CLSTN1: variants seen among roughly 807,000 people sequenced by gnomAD.
CLSTN1 encodes the protein calsyntenin-1.
Under a neutral mutation model 108.3 loss-of-function variants are expected in CLSTN1, and 28 were observed. The ratio of observed to expected loss-of-function variants is 0.26; its 90% CI spans 0.19 to 0.35. The LOEUF is 0.35. Among genes scored for constraint, CLSTN1 ranks in the 10% least tolerant of loss-of-function variants. CLSTN1 has a pLI of 1.00. For synonymous variants in CLSTN1, 524 were observed against 534.9 expected (o/e 0.98, Z 0.28); for missense variants, 1,157 against 1,302.6 (o/e 0.89, Z 1.72).
intron 1 of CLSTN1, among the ~76,000 whole-genome samples, chr1:9,796,600 C>T (rs1044330015): frequency 1.3e-5 from 2 of 151,280 alleles, no homozygotes; most frequent in African/African-American, 4.8e-5. Flanking sequence ...AGGAGAATGG[C>T]GTGAACCTGA....
rs190185251 is a variant in CLSTN1 at position 9,786,665 on chromosome 1, A to C, written c.92-13271T>G. Among the ~76,000 whole-genome samples, 414 of 150,112 alleles carry C rather than the reference A, an allele frequency of 2.8e-3. 34 individuals carry two copies. In the East Asian group the frequency reaches 0.055, roughly 20 times the overall value. On this transcript the variant is annotated intron_variant, in intron 1 of 18. Coordinates refer to ENST00000377298, the MANE Select transcript of CLSTN1 (RefSeq NM_001009566.3). ...CTCCGTCTCAAAAAAAAAAAAAAAA[A>C]AAAAAAAACAAAGGTGAGAGCTGTT...
intron 1 of CLSTN1, chr1:9,781,098 A>C: frequency 1.4e-6 from 1 of 695,172 alleles, no homozygotes; most frequent in Non-Finnish European, 2.6e-6. Flanking sequence ...TCAAGAATTT[A>C]GAATGCTGGC....
Position 9,735,605 on chromosome 1 carries a change from T to C in CLSTN1, c.1745A>G (p.His582Arg), listed in dbSNP as rs765052589. ...DSGRGVQIQA[H>R]PSQLVLTLEG... Reference sequence around the variant, plus strand: ...CAAGGTCAATACCAACTGGCTGGGGTGTGCTTGGATCTGAAATCACACCAG... The same window carrying C: ...CAAGGTCAATACCAACTGGCTGGGGCGTGCTTGGATCTGAAATCACACCAG... The change falls in exon 13 of 19, where the codon CAC becomes CGC. Residue 582 changes from histidine to arginine, a missense_variant. Physicochemically the swap from His to Arg is conservative, Grantham distance 29 (BLOSUM62 0). Transcript: ENST00000377298. 1.2e-6 allele frequency: 2 copies of C among 1,613,834 alleles called. No individual in the cohort carries two copies. The highest frequency in any genetic ancestry group is 2.7e-5 in the African/African-American group (2 of 74,834).
At chr1:9,780,900 C>T (rs769195103) in intron 1 of CLSTN1, 1 of 346,172 alleles carries the variant, frequency 2.9e-6, no homozygotes, top group Non-Finnish European at 5.2e-6. Flanking sequence ...AGACCATGGA[C>T]AGGATGCTGA....
In CLSTN1 at chr1:9,731,896, C is replaced by T. The variant is rs763481681; in HGVS notation, c.2428G>A (p.Val810Met). 6.2e-7 allele frequency: 1 copy of T among 1,614,082 alleles called. No individual in the cohort carries two copies. The highest frequency in any genetic ancestry group is 2.2e-5 in the East Asian group (1 of 44,864). Residue 810 changes from valine to methionine, a missense_variant and splice_region_variant, in exon 17 of 19, where the codon GTG becomes ATG. Coordinates refer to ENST00000377298, the MANE Select transcript of CLSTN1 (RefSeq NM_001009566.3). The stretch of plus-strand genomic sequence containing the variant: ...GGGTTGGCCGTGTGGATTACATTCA[C>T]CTATAGCAGAGAAAGAGAGGATCGC... Reference protein sequence around the residue: ...RYISNEFKVEVNVIHTANPME... With the variant: ...RYISNEFKVEMNVIHTANPME...
rs138759244 is a variant in CLSTN1, at chr1:9,736,968, G to A, written c.1576+530C>T. On this transcript the variant is annotated intron_variant, in intron 11 of 18. Coordinates refer to ENST00000377298, the MANE Select transcript of CLSTN1 (RefSeq NM_001009566.3). ...CATGCCTGTAGTCCCAGCTACTTGG[G>A]AGGCTGAAGCAGGAGAATTGCTTGC... 4.2e-3 allele frequency among the ~76,000 whole-genome samples: 635 copies of A among 152,184 alleles called. 10 individuals carry two copies. The East Asian group carries it at 0.042, about 10-fold the overall frequency.
Position 9,794,715 on chromosome 1 carries a change from G to A in CLSTN1, c.92-21321C>T, listed in dbSNP as rs147939201. Among the ~76,000 whole-genome samples the A allele has an allele frequency of 4.8e-3, 732 of 151,528 alleles. 5 individuals carry two copies. Among genetic ancestry groups the A allele is most frequent in the African/African-American group, 0.016 (657 of 41,520 alleles). On this transcript the variant is annotated intron_variant, in intron 1 of 18. Transcript: ENST00000377298. ...ATTTTGCAATGTTATCAGAAAATAT[G>A]GGCTAGGTCTGGCCTTTTCTTTCTT...
In CLSTN1 at chr1:9,814,247, C is replaced by CAA. The variant is rs558624346; in HGVS notation, c.91+9394_91+9395dup. ...CAATATGGTAAAACCCCATCTCTACCAAAAAAAAAAAAAAAAAAGCCAGGC... is the reference window on the plus strand; with the variant it reads ...CAATATGGTAAAACCCCATCTCTACCAAAAAAAAAAAAAAAAAAAAGCCAGGC... On this transcript the variant is annotated intron_variant, in intron 1 of 18. Transcript: ENST00000377298. 8.7e-3 allele frequency among the ~76,000 whole-genome samples: 826 copies of CAA among 94,914 alleles called. 3 individuals are homozygous for CAA. Among genetic ancestry groups the CAA allele is most frequent in the African/African-American group, 0.012 (302 of 26,154 alleles). The allele number at this position is 94,914 out of a possible 152,430, so 62.3% of individuals were successfully genotyped here.
rs1280768869 is a variant in CLSTN1, at chr1:9,817,898, TG to T, written c.91+5744del. On this transcript the variant is annotated intron_variant, in intron 1 of 18. Coordinates refer to ENST00000377298, the MANE Select transcript of CLSTN1 (RefSeq NM_001009566.3). ...CAGCTCTTAGGGAAAAGACGGGTAT[TG>T]TATGTCAGGCTGACACAGTGGGGAG... is the stretch of plus-strand genomic sequence containing the variant. Among the ~76,000 whole-genome samples, 99 of 152,188 alleles carry T rather than the reference TG, an allele frequency of 6.5e-4. 2 individuals carry two copies. The highest frequency in any genetic ancestry group is 4.4e-5 in the Non-Finnish European group (3 of 68,012).
In CLSTN1 at chr1:9,773,965, C is replaced by T. The variant is rs912009243; in HGVS notation, c.92-571G>A. ...CCATGTTGCCCAGGCTGGTCTTGAA[C>T]CCCCGGGCTCAAGTGATCCGCCTGC... On this transcript the variant is annotated intron_variant, in intron 1 of 18. Transcript: ENST00000377298. Among the ~76,000 whole-genome samples, 3 of 151,884 alleles carry T rather than the reference C, an allele frequency of 2.0e-5. No homozygotes were observed. The South Asian group carries it at 6.2e-4, about 32-fold the overall frequency.
chr1:9,765,053 T>G (rs147538168), intron 2 of CLSTN1, among the ~76,000 whole-genome samples: 12 of 152,234 alleles, frequency 7.9e-5, no homozygotes, highest in Non-Finnish European at 1.6e-4. Flanking sequence ...AGCTGAAGCA[T>G]GTGAAATGTC....
At chr1:9,784,172 C>CAAAA (rs34315931) in intron 1 of CLSTN1, among the ~76,000 whole-genome samples, 2 of 83,708 alleles carry the variant, frequency 2.4e-5, no homozygotes, top group Admixed American at 2.8e-4. Context: ...AACTCTATCT[C>CAAAA]AAAAAAAAAA....
At chr1:9,790,859 C>T (rs1165866144) in intron 1 of CLSTN1, among the ~76,000 whole-genome samples, 3 of 150,780 alleles carry the variant, frequency 2.0e-5, no homozygotes, top group African/African-American at 4.8e-5. Flanking sequence ...CAGGGCCGGG[C>T]GCGGCGGCTC....
intron 2 of CLSTN1, among the ~76,000 whole-genome samples, chr1:9,769,179 G>A (rs531211730): frequency 1.3e-5 from 2 of 151,400 alleles, no homozygotes; most frequent in African/African-American, 2.4e-5. Context: ...GAGGGAGGGA[G>A]GTAAGGAGGG....
intron 1 of CLSTN1, among the ~76,000 whole-genome samples, chr1:9,792,085 G>A (rs1350450657): frequency 6.6e-6 from 1 of 150,942 alleles, no homozygotes. Context: ...AGGAGGCTGG[G>A]GCAGGAGAAT....
chr1:9,804,219 C>T (rs1436129868), intron 1 of CLSTN1, among the ~76,000 whole-genome samples: 2 of 151,774 alleles, frequency 1.3e-5, no homozygotes, highest in Non-Finnish European at 2.9e-5. Context: ...AAAAATTAGC[C>T]GGGCGTGGTG....
At chr1:9,822,279 AAG>A (rs1655217263) in intron 1 of CLSTN1, among the ~76,000 whole-genome samples, 1 of 152,230 alleles carries the variant, frequency 6.6e-6, no homozygotes, top group Non-Finnish European at 1.5e-5. Context: ...CTTAGTGACT[AAG>A]ATCTGAATTT....
At position 9,735,939 on chromosome 1, in the gene CLSTN1, G is replaced by C; in HGVS notation, c.1680C>G (p.Thr560=). Residue 560 remains threonine, a synonymous_variant, in exon 12 of 19, where the codon ACC becomes ACG. Transcript: ENST00000377298. ...CCTGCAGGTCCAGCCCCTCCTTGCA[G>C]GTATACAGACAGTCGATCACCTTCT... The part of the protein sequence containing the change: ...ADKKVIDCLY[T]CKEGLDLQVL... 1 of 1,614,192 alleles carries C rather than the reference G, an allele frequency of 6.2e-7. No individual in the cohort carries two copies. The highest frequency in any genetic ancestry group is 8.5e-7 in the Non-Finnish European group (1 of 1,180,036).
intron 1 of CLSTN1, among the ~76,000 whole-genome samples, chr1:9,788,243 G>A (rs1653586487): frequency 6.6e-6 from 1 of 151,408 alleles, no homozygotes; most frequent in African/African-American, 2.4e-5. Flanking sequence ...ATGACAGAGT[G>A]AGACCCTGTC....
Sources: allele counts gnomAD v4.1 joint callset (sites outside exome capture counted in the v4.1 genomes callset), GRCh38; gene constraint gnomAD v4.1.1; transcripts MANE v1.5; gene names NCBI Gene and HGNC (gene_info 2026-07-23, HGNC 2026-07-21).